RPS6KA5: variants seen among roughly 807,000 people sequenced by gnomAD.
RPS6KA5 encodes the protein ribosomal protein S6 kinase A5.
Under a neutral mutation model 85.5 loss-of-function variants are expected in RPS6KA5, and 27 were observed. The ratio of observed to expected loss-of-function variants is 0.32; its 90% confidence interval spans 0.23 to 0.44. The LOEUF is 0.44. RPS6KA5 is among the 20% of genes least tolerant of loss of function. The probability of loss-of-function intolerance (pLI) is 1.00; values close to 1 mark genes in which losing one functional copy is unlikely to be tolerated. For synonymous variants in RPS6KA5, 334 were observed against 348.2 expected, an observed-to-expected ratio of 0.96 and a Z score of 0.46; for missense variants, 811 against 980.9, an observed-to-expected ratio of 0.83 and a Z score of 2.31.
At chr14:90,896,696 T>C (rs2034853801) in intron 12 of RPS6KA5, among the ~76,000 whole-genome samples, 1 of 152,026 alleles carries the variant, frequency 6.6e-6, no homozygotes, top group Non-Finnish European at 1.5e-5. Flanking sequence ...TCCAGAGCAG[T>C]GATCCTCAAC....
chr14:90,883,780 C>T (rs951907482), intron 14 of RPS6KA5, among the ~76,000 whole-genome samples: 7 of 151,996 alleles, frequency 4.6e-5, no homozygotes, highest in African/African-American at 1.7e-4. Flanking sequence ...CTAGGGTTTG[C>T]TTTTTTTGTG....
At chr14:90,985,509 G>T (rs570089601) in intron 2 of RPS6KA5, among the ~76,000 whole-genome samples, 3 of 152,170 alleles carry the variant, frequency 2.0e-5, no homozygotes, top group Non-Finnish European at 4.4e-5. Flanking sequence ...ACCAAGGTGA[G>T]AGCAATGTTT....
chr14:91,060,283 A>AGGCGCGCCCCCGCGCCG, intron 1 of RPS6KA5, 49 bp downstream of exon 1: 2 of 1,136,562 alleles, frequency 1.8e-6, no homozygotes, highest in Non-Finnish European at 2.2e-6. Flanking sequence ...GCGTGCCCTC[A>AGGCGCGCCCCCGCGCCG]GGCGCGCCCC....
chr14:90,940,720 C>A (rs374537733), intron 5 of RPS6KA5, among the ~76,000 whole-genome samples: 5 of 152,174 alleles, frequency 3.3e-5, no homozygotes, highest in African/African-American at 1.2e-4. Context: ...TACTGGTCTG[C>A]GGCCTGTTAG....
intron 6 of RPS6KA5, among the ~76,000 whole-genome samples, chr14:90,922,592 C>T (rs574869108): frequency 3.5e-4 from 54 of 152,242 alleles, no homozygotes; most frequent in African/African-American, 1.3e-3. Context: ...AAATTACAGG[C>T]GCTCGCCACC....
In RPS6KA5 at chr14:90,905,829, A is replaced by C. The variant is rs2035467197; in HGVS notation, c.957+320T>G. Reference sequence around the variant, plus strand: ...TAAAAGTCTCAGTCCATATGGCTAGATCTCAAGATCATAAATGGAAACCAC... The same window carrying C: ...TAAAAGTCTCAGTCCATATGGCTAGCTCTCAAGATCATAAATGGAAACCAC... On this transcript the variant is annotated intron_variant, in intron 8 of 16. Coordinates refer to ENST00000614987, the MANE Select transcript of RPS6KA5 (RefSeq NM_004755.4). Among the ~76,000 whole-genome samples the C allele has an allele frequency of 2.6e-5, 4 of 152,228 alleles. No homozygotes were observed. The South Asian group carries it at 8.3e-4, about 31-fold the overall frequency.
rs1394879825 is a variant in RPS6KA5, at chr14:90,860,868, C to G, written c.*11206G>C. On this transcript the variant is annotated 3_prime_UTR_variant, in exon 17 of 17. Transcript: ENST00000614987. ...ACACCAGAAAACATAAATATGTGAGCAAACAAACAATATAGAGTCTATTTT... is the reference window on the plus strand; with the variant it reads ...ACACCAGAAAACATAAATATGTGAGGAAACAAACAATATAGAGTCTATTTT... 6.8e-6 allele frequency: 1 copy of G among 147,076 alleles called. No homozygotes were observed. Among genetic ancestry groups the G allele is most frequent in the Non-Finnish European group, 1.5e-5 (1 of 67,056 alleles). The allele number at this position is 147,076 out of a possible 1,614,324, so 9.1% of individuals were successfully genotyped here. A position where few individuals can be genotyped will look rare whatever the true frequency, so the allele number is the denominator to read the frequency against.
intron 5 of RPS6KA5, among the ~76,000 whole-genome samples, chr14:90,942,385 C>T (rs2037619408): frequency 2.0e-5 from 3 of 152,174 alleles, no homozygotes; most frequent in Admixed American, 1.3e-4. Flanking sequence ...TTCAAATTTA[C>T]TTAGTTATCT....
Position 91,060,389 on chromosome 14 carries a change from C to T in RPS6KA5, c.46G>A (p.Ala16Thr). 5 of 1,508,752 alleles carry T rather than the reference C, an allele frequency of 3.3e-6. No individual in the cohort carries two copies. Among genetic ancestry groups the T allele is most frequent in the Non-Finnish European group, 3.6e-6 (4 of 1,123,020 alleles). 93.5% of individuals were successfully genotyped at this position (1,508,752 alleles called of 1,614,324 possible). Residue 16 changes from alanine (A) to threonine (T), a missense_variant, in exon 1 of 17, where the codon GCG (alanine) becomes ACG (threonine). Around this residue, in one of 3 missense-constraint regions of RPS6KA5, gnomAD observed 113 missense variants for 100.0 expected, o/e 1.13. Transcript: ENST00000614987. ...TGCTCTCCTCCGTCGCCGCCGTCCG[C>T]GCTGGTCCCCGCGGCGCCGCCGCTG... ...GSSGGAAGTS[A>T]DGGDGGEQLL...
intron 5 of RPS6KA5, among the ~76,000 whole-genome samples, chr14:90,939,786 T>C (rs888451997): frequency 3.3e-5 from 5 of 152,166 alleles, no homozygotes; most frequent in South Asian, 4.2e-4. Flanking sequence ...AAGATGAGAT[T>C]TGGGTGGGGA....
At chr14:91,035,340 T>C (rs2042354048) in intron 1 of RPS6KA5, among the ~76,000 whole-genome samples, 1 of 152,124 alleles carries the variant, frequency 6.6e-6, no homozygotes, top group African/African-American at 2.4e-5. Context: ...ACAGAGCTGC[T>C]GCTACAGCAA....
chr14:90,953,602 G>A (rs118108488), intron 3 of RPS6KA5, among the ~76,000 whole-genome samples: 3,171 of 152,252 alleles, frequency 0.021, 127 homozygotes, highest in South Asian at 0.12. Context: ...CGTGCAAGTA[G>A]GGACAATATC....
At chr14:90,994,407 A>T (rs1275855441) in intron 2 of RPS6KA5, among the ~76,000 whole-genome samples, 1 of 151,790 alleles carries the variant, frequency 6.6e-6, no homozygotes, top group Non-Finnish European at 1.5e-5. Context: ...AGCATGTATT[A>T]TTCCGTAATA....
At chr14:90,992,834 G>A (rs2040366796) in intron 2 of RPS6KA5, among the ~76,000 whole-genome samples, 1 of 152,138 alleles carries the variant, frequency 6.6e-6, no homozygotes, top group Non-Finnish European at 1.5e-5. Context: ...TTTTCAATCA[G>A]TTTGGTAATT....
chr14:90,956,553 T>C (rs547919852), intron 3 of RPS6KA5, among the ~76,000 whole-genome samples: 58 of 152,264 alleles, frequency 3.8e-4, no homozygotes, highest in African/African-American at 1.4e-3. Flanking sequence ...TTTTTTGTTT[T>C]CTATATATCT....
In RPS6KA5 at chr14:91,001,177, GA is replaced by G. The variant is rs539608571; in HGVS notation, c.104-19del. The G allele has an allele frequency of 4.7e-4, 669 of 1,413,996 alleles. No homozygotes were observed. Among genetic ancestry groups the G allele is most frequent in the South Asian group, 6.1e-4 (45 of 74,230 alleles). The allele number at this position is 1,413,996 out of a possible 1,614,324, so 87.6% of individuals were successfully genotyped here. On this transcript the variant is annotated intron_variant, in intron 1 of 16. Transcript: ENST00000614987. ...CAAATTAGCTAAAAGAAAAAAAGAG[GA>G]AAAAAAAAACAAGAGGGTCAGCAAT... is the stretch of plus-strand genomic sequence containing the variant.
intron 1 of RPS6KA5, among the ~76,000 whole-genome samples, chr14:91,028,765 G>T (rs948263564): frequency 4.7e-5 from 7 of 148,962 alleles, no homozygotes; most frequent in African/African-American, 1.5e-4. Context: ...TGATCTGCCC[G>T]CCTCTGCCTC....
chr14:90,975,650 T>C (rs1484861297), intron 3 of RPS6KA5, among the ~76,000 whole-genome samples: 1 of 152,182 alleles, frequency 6.6e-6, no homozygotes, highest in African/African-American at 2.4e-5. Flanking sequence ...AAAATAAATG[T>C]CTATTGTTTA....
chr14:90,947,380 T>G, intron 4 of RPS6KA5, 55 bp downstream of exon 4: 1 of 939,284 alleles, frequency 1.1e-6, no homozygotes, highest in Non-Finnish European at 1.7e-6. Flanking sequence ...CCAGCTCCAT[T>G]ATTACCTTAG....
Sources: gnomAD v4.1 joint callset for allele counts (sites outside exome capture counted in the v4.1 genomes callset) on GRCh38, gnomAD v4.1.1 for gene constraint, gnomAD v4.1.1 regional missense constraint, MANE v1.5 for transcripts, NCBI Gene and HGNC (gene_info 2026-07-23, HGNC 2026-07-21) for gene names.